Variants in FNDC7 observed in about 807,000 individuals in gnomAD.
FNDC7 encodes the protein fibronectin type III domain containing 7.
Under a neutral mutation model 74.2 loss-of-function variants are expected in FNDC7, and 66 were observed. The observed-to-expected ratio is 0.89, with a 90% CI of 0.73 to 1.09. The LOEUF (loss-of-function observed/expected upper bound fraction) is 1.09. FNDC7 is among the 50% of genes least tolerant of loss of function. FNDC7 has a pLI of 0.00. For synonymous variants in FNDC7, 307 were observed against 330.2 expected (o/e 0.93, Z 0.76); for missense variants, 829 against 893.4 (o/e 0.93, Z 0.92).
chr1:108,737,372 C>T lies in FNDC7; in HGVS notation c.2141-123C>T, dbSNP rs1026041988. ...TAGTAGTATCTCCTTCTCTTATCACCCAAGTTCGTTCTTGTTCGTTTTTTG... is the reference window on the plus strand; with the variant it reads ...TAGTAGTATCTCCTTCTCTTATCACTCAAGTTCGTTCTTGTTCGTTTTTTG... On this transcript the variant is annotated intron_variant, in intron 10 of 12. Coordinates refer to ENST00000370017, the MANE Select transcript of FNDC7 (RefSeq NM_001144937.3). The T allele has an allele frequency of 6.7e-6, 5 of 743,176 alleles. No homozygotes were observed. In the African/African-American group the frequency reaches 9.2e-5, roughly 14 times the overall value. 46.0% of individuals were successfully genotyped at this position (743,176 alleles called of 1,614,324 possible). A position where few individuals can be genotyped will look rare whatever the true frequency, so the allele number is the denominator to read the frequency against.
At chr1:108,739,511 C>T (rs757225880) in intron 11 of FNDC7, among the ~76,000 whole-genome samples, 4 of 152,156 alleles carry the variant, frequency 2.6e-5, no homozygotes, top group South Asian at 2.1e-4. Context: ...CCAGCATCAC[C>T]AGAGAGCTTT....
At chr1:108,731,314 T>C (rs1661347535) in intron 9 of FNDC7, among the ~76,000 whole-genome samples, 2 of 152,264 alleles carry the variant, frequency 1.3e-5, no homozygotes, top group African/African-American at 4.8e-5. Context: ...CTCTCTTTTC[T>C]AAGCTTCTTC....
chr1:108,714,529 T>C (rs1436929471), intron 2 of FNDC7, among the ~76,000 whole-genome samples: 2 of 151,990 alleles, frequency 1.3e-5, no homozygotes, highest in African/African-American at 4.8e-5. Flanking sequence ...TCTTATTTAC[T>C]TGTCTTATTC....
At chr1:108,714,885 G>A (rs1283589900) in intron 2 of FNDC7, among the ~76,000 whole-genome samples, 2 of 151,932 alleles carry the variant, frequency 1.3e-5, no homozygotes, top group East Asian at 1.9e-4. Context: ...GAGCCACCGC[G>A]CCCGGCCGGC....
rs1372057640 is a variant in FNDC7 at position 108,718,875 on chromosome 1, T to G, written c.424T>G (p.Phe142Val). 10 of 1,551,628 alleles carry G rather than the reference T, an allele frequency of 6.4e-6. No individual in the cohort carries two copies. The highest frequency in any genetic ancestry group is 7.8e-6 in the Non-Finnish European group (9 of 1,147,006). ...GGAAGCTGTATATATGGCAATTGCA[T>G]TCTCCGTGTCCATTATGCGAGCCAA... is the stretch of plus-strand genomic sequence containing the variant. ...QWEAVYMAIA[F>V]SVSIMRANGL... is the part of the protein sequence containing the mutation. The change falls in exon 4 of 13, where the codon TTC becomes GTC. Residue 142 changes from phenylalanine (F) to valine (V), a missense_variant. By Grantham distance (50) the Phe-to-Val change is conservative. Transcript: ENST00000370017.
rs530624357 is a variant in FNDC7, at chr1:108,712,998, T to A, written c.63+2T>A. ...TTCATTCTTATCTGTCTTAAAATGG[T>A]GAGTTCATCATTCCAACTACCCACA... On this transcript the variant is annotated splice_donor_variant, in intron 1 of 12. Coordinates refer to ENST00000370017, the MANE Select transcript of FNDC7 (RefSeq NM_001144937.3). LOFTEE classifies it high-confidence loss of function. The A allele has an allele frequency of 6.4e-7, 1 of 1,551,146 alleles. No individual in the cohort carries two copies. The highest frequency in any genetic ancestry group is 2.4e-5 in the East Asian group (1 of 40,906).
Position 108,718,836 on chromosome 1 carries a change from A to G in FNDC7, c.385A>G (p.Ile129Val), listed in dbSNP as rs1661031564. 2.6e-6 allele frequency: 4 copies of G among 1,551,782 alleles called. No individual in the cohort carries two copies. Among genetic ancestry groups the G allele is most frequent in the Non-Finnish European group, 2.6e-6 (3 of 1,147,048 alleles). Residue 129 changes from isoleucine (I) to valine (V), a missense_variant, in exon 4 of 13, where the codon ATT becomes GTT. Transcript: ENST00000370017. Reference sequence around the variant, plus strand: ...AGTAAGCTCTCCAAGTTCAGACTCCATTCTTGTGCAGTGGGAAGCTGTATA... The same window carrying G: ...AGTAAGCTCTCCAAGTTCAGACTCCGTTCTTGTGCAGTGGGAAGCTGTATA... The part of the protein sequence containing the change: ...LEVSSPSSDS[I>V]LVQWEAVYMA...
In FNDC7 at chr1:108,713,624, G is replaced by A. The variant is rs560844178; in HGVS notation, c.82+95G>A. ...CTACCCTGAAATCTAAAGGCTATAT[G>A]AGAAAAAAAAATTCAATATTTTCTG... On this transcript the variant is annotated intron_variant, in intron 2 of 12. Transcript: ENST00000370017. 160 of 1,133,724 alleles carry A rather than the reference G, an allele frequency of 1.4e-4. No individual in the cohort carries two copies. In the Admixed American group the frequency reaches 2.3e-3, roughly 16 times the overall value. 70.2% of individuals were successfully genotyped at this position (1,133,724 alleles called of 1,614,324 possible).
intron 6 of FNDC7, 80 bp from the exon 7 acceptor site, chr1:108,727,728 A>C: frequency 6.5e-7 from 1 of 1,539,742 alleles, no homozygotes; most frequent in Admixed American, 1.7e-5. Context: ...GGCTCTGGGC[A>C]TGGGAGGTCA....
At chr1:108,725,025 G>A (rs528345651) in intron 5 of FNDC7, among the ~76,000 whole-genome samples, 49 of 151,962 alleles carry the variant, frequency 3.2e-4, no homozygotes, top group Non-Finnish European at 4.7e-4. Flanking sequence ...AGGTTGCAGT[G>A]AGCCGAGATC....
Position 108,730,799 on chromosome 1 carries a change from A to G in FNDC7, c.1750A>G (p.Lys584Glu). Residue 584 changes from lysine (K) to glutamate (E), a missense_variant, in exon 9 of 13, where the codon AAG (lysine) becomes GAG (glutamate). Coordinates refer to ENST00000370017, the MANE Select transcript of FNDC7 (RefSeq NM_001144937.3). ...AVLESHTGQS[K>E]CHTHQNHCLL... ...TCTGGAGTCACACACTGGACAGTCT[A>G]AGTGTCACACTCATCAAAACCACTG... 6.2e-7 allele frequency: 1 copy of G among 1,614,146 alleles called. No individual in the cohort carries two copies. The highest frequency in any genetic ancestry group is 1.1e-5 in the South Asian group (1 of 91,080).
rs1019462447 is a variant in FNDC7 at position 108,737,588 on chromosome 1, G to A, written c.2170+64G>A. On this transcript the variant is annotated intron_variant, in intron 11 of 12. Coordinates refer to ENST00000370017, the MANE Select transcript of FNDC7 (RefSeq NM_001144937.3). ...TTTGTTGCTCCATTTTGGGGTTAAT[G>A]AAGTCAGCTGACTTTTCAATTAGAA... 26 of 1,314,872 alleles carry A rather than the reference G, an allele frequency of 2.0e-5. No individual in the cohort carries two copies. In the African/African-American group the frequency reaches 3.8e-4, roughly 19 times the overall value. 81.5% of individuals were successfully genotyped at this position (1,314,872 alleles called of 1,614,324 possible).
intron 3 of FNDC7, among the ~76,000 whole-genome samples, chr1:108,718,420 C>T (rs113065785): frequency 1.3e-5 from 2 of 152,176 alleles, no homozygotes; most frequent in African/African-American, 4.8e-5. Flanking sequence ...ATCAGCATTA[C>T]TGAAATTGAT....
At position 108,712,981 on chromosome 1, in the gene FNDC7, T is replaced by C. The variant is rs1011907728; in HGVS notation, c.48T>C (p.Leu16=). Residue 16 remains leucine, a synonymous_variant, in exon 1 of 13, where the codon CTT becomes CTC. Transcript: ENST00000370017. ...ETCLPLIGFI[L]ICLKMVASAK... ...GTTTGCCTTTGATTGGATTCATTCT[T>C]ATCTGTCTTAAAATGGTGAGTTCAT... 7 of 1,551,548 alleles carry C rather than the reference T, an allele frequency of 4.5e-6. No individual in the cohort carries two copies. Among genetic ancestry groups the C allele is most frequent in the South Asian group, 1.2e-5 (1 of 84,060 alleles).
At chr1:108,718,130 A>C in intron 3 of FNDC7, 99 bp downstream of exon 3, 1 of 1,421,538 alleles carries the variant, frequency 7.0e-7, no homozygotes. Context: ...GTGTCACATG[A>C]GTGCCTACAA....
chr1:108,713,488 A>C, intron 1 of FNDC7, 23 bp from the exon 2 acceptor site: 1 of 1,549,220 alleles, frequency 6.5e-7, no homozygotes, highest in African/African-American at 1.4e-5. Context: ...TGTGGTTCTA[A>C]TTTTCCAAAC....
In FNDC7 at chr1:108,713,515, C is replaced by T. The variant is rs913694637; in HGVS notation, c.68C>T (p.Ala23Val). 1.9e-6 allele frequency: 3 copies of T among 1,548,706 alleles called. No homozygotes were observed. Among genetic ancestry groups the T allele is most frequent in the African/African-American group, 1.4e-5 (1 of 72,998 alleles). The change falls in exon 2 of 13, where the codon GCT (alanine) becomes GTT (valine). Residue 23 changes from alanine (A) to valine (V), a missense_variant. Ala to Val is a moderately conservative substitution (Grantham distance 64, BLOSUM62 0). Transcript: ENST00000370017. ...GFILICLKMV[A>V]SAKSAPEIPT... ...TTTCCAAACTTTCCTTTTCAGGTTG[C>T]TTCAGCAAAATCAGGTACAATTTTC...
intron 4 of FNDC7, among the ~76,000 whole-genome samples, chr1:108,719,923 A>G (rs1661061268): frequency 6.6e-6 from 1 of 152,296 alleles, no homozygotes; most frequent in Middle Eastern, 3.4e-3. Context: ...GAAACCAGAA[A>G]TGTTCTCTCC....
At chr1:108,715,582 A>C (rs1345468594) in intron 2 of FNDC7, among the ~76,000 whole-genome samples, 4 of 152,156 alleles carry the variant, frequency 2.6e-5, no homozygotes, top group African/African-American at 9.7e-5. Context: ...GGACCCCTCC[A>C]TGGCAGCGCC....
Sources: gnomAD v4.1 joint callset for allele counts (sites outside exome capture counted in the v4.1 genomes callset) on GRCh38, gnomAD v4.1.1 for gene constraint, MANE v1.5 for transcripts, NCBI Gene and HGNC (gene_info 2026-07-23, HGNC 2026-07-21) for gene names.